TOGARAM1: variants seen among roughly 807,000 people sequenced by gnomAD.
TOGARAM1 encodes TOG array regulator of axonemal microtubules protein 1.
TOGARAM1 carries 100 observed loss-of-function variants against 166.6 expected under a neutral mutation model. The ratio of observed to expected loss-of-function variants is 0.60; its 90% CI spans 0.51 to 0.71. The LOEUF is 0.71. Ranked by LOEUF, TOGARAM1 falls within the 30% of genes least tolerant of loss-of-function variation. TOGARAM1 has a pLI of 0.00. For missense variants in TOGARAM1, 2,029 were observed against 2,102.7 expected, an observed-to-expected ratio of 0.96 and a Z score of 0.69; for synonymous variants, 758 against 763.8, an observed-to-expected ratio of 0.99 and a Z score of 0.13.
In TOGARAM1 at chr14:44,963,053, C is replaced by T; in HGVS notation, c.632C>T (p.Pro211Leu). The T allele has an allele frequency of 6.2e-7, 1 of 1,614,160 alleles. No homozygotes were observed. Among genetic ancestry groups the T allele is most frequent in the African/African-American group, 1.3e-5 (1 of 75,024 alleles). The change falls in exon 1 of 20, where the codon CCT (proline) becomes CTT (leucine). Residue 211 changes from proline (P) to leucine (L), a missense_variant. Physicochemically the swap from Pro to Leu is moderately conservative, Grantham distance 98. Around this residue, in one of 2 missense-constraint regions of TOGARAM1, gnomAD observed 1,453 missense variants for 1,432.2 expected, o/e 1.01. Coordinates refer to ENST00000361462, the MANE Select transcript of TOGARAM1 (RefSeq NM_001308120.2). Reference protein sequence around the residue: ...QILHICLKRSPGEVLRTLIQQ... With the variant: ...QILHICLKRSLGEVLRTLIQQ... The stretch of plus-strand genomic sequence containing the variant: ...CTTCATATATGTCTGAAACGTAGTC[C>T]TGGAGAGGTGCTGAGAACGCTTATA...
intron 14 of TOGARAM1, among the ~76,000 whole-genome samples, chr14:45,047,502 C>A (rs1158977134): frequency 6.6e-6 from 1 of 151,724 alleles, no homozygotes; most frequent in Non-Finnish European, 1.5e-5. Flanking sequence ...GATGCTTTTA[C>A]TGGAAAAACA....
chr14:45,051,424 C>T (rs1010703686), intron 14 of TOGARAM1, among the ~76,000 whole-genome samples: 17 of 152,120 alleles, frequency 1.1e-4, no homozygotes, highest in African/African-American at 3.4e-4. Flanking sequence ...TCCCAAATGC[C>T]AGCATTGATA....
intron 7 of TOGARAM1, among the ~76,000 whole-genome samples, chr14:45,018,657 T>C (rs187379252): frequency 4.6e-5 from 7 of 152,304 alleles, no homozygotes; most frequent in African/African-American, 1.7e-4. Context: ...GATTAGAAAC[T>C]TTTTTTGGTA....
intron 1 of TOGARAM1, among the ~76,000 whole-genome samples, chr14:44,986,386 T>G (rs1886795055): frequency 6.6e-6 from 1 of 152,040 alleles, no homozygotes; most frequent in Admixed American, 6.6e-5. Context: ...AACTCCTGGG[T>G]TTGAGCGATC....
intron 14 of TOGARAM1, among the ~76,000 whole-genome samples, chr14:45,048,758 C>G (rs1232529666): frequency 2.0e-5 from 3 of 151,946 alleles, no homozygotes; most frequent in Non-Finnish European, 4.4e-5. Context: ...GGGTGGATCA[C>G]CTGAGGTCAG....
At chr14:45,038,165 C>T (rs1355333102) in intron 11 of TOGARAM1, among the ~76,000 whole-genome samples, 2 of 152,200 alleles carry the variant, frequency 1.3e-5, no homozygotes, top group African/African-American at 2.4e-5. Flanking sequence ...CCTCAGCCTT[C>T]CAAAGTGTTA....
chr14:45,024,793 A>C (rs1880729216), intron 7 of TOGARAM1, among the ~76,000 whole-genome samples: 1 of 152,238 alleles, frequency 6.6e-6, no homozygotes, highest in Non-Finnish European at 1.5e-5. Flanking sequence ...TGCCATTTTC[A>C]CATAAAGCCA....
chr14:45,045,648 CATATATACACACATATATATGTGTAT>C (rs1566660890), intron 13 of TOGARAM1, among the ~76,000 whole-genome samples: 17 of 63,186 alleles, frequency 2.7e-4, no homozygotes, highest in East Asian at 1.5e-3. Context: ...CATATATATA[CATATATACACACATATATATGTGTAT>C]ATATATACAC....
In TOGARAM1 at chr14:44,963,200, T is replaced by G; in HGVS notation, c.779T>G (p.Leu260Arg). ...GATCTCACCGAGGTGATAATATCCC[T>G]AGCCCGAAAGCTTGGTGATCAGGAG... Reference protein sequence around the residue: ...GLDLTEVIISLARKLGDQETE... With the variant: ...GLDLTEVIISRARKLGDQETE... Residue 260 changes from leucine to arginine, a missense_variant, in exon 1 of 20, where the codon CTA becomes CGA. Coordinates refer to ENST00000361462, the MANE Select transcript of TOGARAM1 (RefSeq NM_001308120.2). 6.2e-7 allele frequency: 1 copy of G among 1,614,232 alleles called. No individual in the cohort carries two copies. Among genetic ancestry groups the G allele is most frequent in the Non-Finnish European group, 8.5e-7 (1 of 1,180,038 alleles).
At position 45,073,917 on chromosome 14, in the gene TOGARAM1, T is replaced by C. The variant is rs561968585; in HGVS notation, c.*356T>C. The C allele has an allele frequency of 3.9e-4, 66 of 169,680 alleles. No individual in the cohort carries two copies. Among genetic ancestry groups the C allele is most frequent in the Admixed American group, 2.1e-3 (35 of 16,670 alleles). The allele number at this position is 169,680 out of a possible 1,614,324, so 10.5% of individuals were successfully genotyped here. ...AATTAAAAATACACATTTTATTATGTAATCATGTTCTGGTATGTCTCATTT... is the reference window on the plus strand; with the variant it reads ...AATTAAAAATACACATTTTATTATGCAATCATGTTCTGGTATGTCTCATTT... On this transcript the variant is annotated 3_prime_UTR_variant, in exon 20 of 20. Transcript: ENST00000361462.
chr14:45,054,638 A>G (rs1679022222), intron 16 of TOGARAM1, 89 bp downstream of exon 16: 1 of 854,684 alleles, frequency 1.2e-6, no homozygotes, highest in Non-Finnish European at 1.8e-6. Flanking sequence ...CCCCAGGGGT[A>G]TTTGCCAAAA....
chr14:45,007,508 GGTGA>G (rs1289123802), intron 5 of TOGARAM1: 1 of 151,724 alleles, frequency 6.6e-6, no homozygotes, highest in African/African-American at 2.4e-5. Context: ...GTAATTGAAA[GGTGA>G]GTTTCTGTTA....
At chr14:44,996,465 T>C (rs1263202779) in intron 2 of TOGARAM1, 1 of 152,022 alleles carries the variant, frequency 6.6e-6, no homozygotes, top group Non-Finnish European at 1.5e-5. Context: ...GAGGGGAAAA[T>C]AAGTAGAAAA....
At position 45,011,809 on chromosome 14, in the gene TOGARAM1, G is replaced by GTA. The variant is rs1594652604; in HGVS notation, c.3138-165_3138-164insAT. 8 of 529,996 alleles carry GTA rather than the reference G, an allele frequency of 1.5e-5. No homozygotes were observed. In the East Asian group the frequency reaches 2.4e-4, roughly 16 times the overall value. 32.8% of individuals were successfully genotyped at this position (529,996 alleles called of 1,614,324 possible). ...TATGTGTGTGTGTGTGTGTGTGTGT[G>GTA]TGTATACACACACACTGTTAGCCAT... is the stretch of plus-strand genomic sequence containing the variant. On this transcript the variant is annotated intron_variant, in intron 6 of 19. Transcript: ENST00000361462.
intron 17 of TOGARAM1, 70 bp downstream of exon 17, chr14:45,066,837 A>G (rs1449579426): frequency 2.3e-6 from 3 of 1,328,874 alleles, no homozygotes; most frequent in African/African-American, 1.5e-5. Context: ...GCACTTTGGG[A>G]AGCCAAGGTA....
chr14:44,969,145 C>CCTTCCTTCCTTTCTTT (rs368091743), intron 1 of TOGARAM1, among the ~76,000 whole-genome samples: 14 of 116,318 alleles, frequency 1.2e-4, no homozygotes, highest in African/African-American at 2.3e-4. Context: ...TTCCTTCCTT[C>CCTTCCTTCCTTTCTTT]CTTTCTTTCT....
rs754988848 is a variant in TOGARAM1, at chr14:44,977,886, GCAAT to G, written c.2046+13421_2046+13424del. On this transcript the variant is annotated intron_variant, in intron 1 of 19. Coordinates refer to ENST00000361462, the MANE Select transcript of TOGARAM1 (RefSeq NM_001308120.2). ...GCTGGTCTCGAACTCCTGAGCTCAA[GCAAT>G]CCTCCCTCCACTGCCTCTGAAAGTG... 4.6e-5 allele frequency among the ~76,000 whole-genome samples: 7 copies of G among 152,112 alleles called. No individual in the cohort carries two copies. The East Asian group carries it at 1.4e-3, about 29-fold the overall frequency.
intron 1 of TOGARAM1, among the ~76,000 whole-genome samples, chr14:44,992,097 AAAAACC>A: frequency 6.7e-6 from 1 of 149,122 alleles, no homozygotes; most frequent in African/African-American, 2.5e-5. Flanking sequence ...AAAAAAAAAA[AAAAACC>A]AAACCAAAAA....
intron 18 of TOGARAM1, 136 bp downstream of exon 18, chr14:45,068,779 A>G (rs1331533397): frequency 1.2e-5 from 7 of 578,258 alleles, no homozygotes; most frequent in Admixed American, 1.2e-4. Flanking sequence ...AAAACTTTCT[A>G]TTCTCAATGG....
Sources: allele counts gnomAD v4.1 joint callset (sites outside exome capture counted in the v4.1 genomes callset), GRCh38; gene constraint gnomAD v4.1.1; regional missense constraint gnomAD v4.1.1; transcripts MANE v1.5; gene names NCBI Gene and HGNC (gene_info 2026-07-23, HGNC 2026-07-21).